Variants in TNIK observed in about 807,000 individuals in gnomAD.
The protein encoded by TNIK is TRAF2 and NCK interacting kinase, also known as TRAF2 and NCK-interacting protein kinase.
TNIK carries 49 observed loss-of-function variants against 191.3 expected under a neutral mutation model. The ratio of observed to expected loss-of-function variants is 0.26; its 90% CI spans 0.20 to 0.32. TNIK has a LOEUF of 0.32. Among genes scored for constraint, TNIK ranks in the 10% least tolerant of loss-of-function variants. TNIK has a pLI of 1.00. For synonymous variants in TNIK, 594 were observed against 600.9 expected (o/e 0.99, Z 0.17); for missense variants, 1,155 against 1,702.3 (o/e 0.68, Z 5.66).
intron 28 of TNIK, among the ~76,000 whole-genome samples, chr3:171,072,785 A>G (rs971196176): frequency 6.6e-6 from 1 of 151,968 alleles, no homozygotes; most frequent in East Asian, 1.9e-4. Context: ...TGAGAATCAA[A>G]TCAAGAGCTC....
chr3:171,455,578 A>G (rs771822622), intron 1 of TNIK, among the ~76,000 whole-genome samples: 1 of 152,174 alleles, frequency 6.6e-6, no homozygotes, highest in Non-Finnish European at 1.5e-5. Flanking sequence ...TTGCAATCAA[A>G]TGTTGATGGT....
In TNIK at chr3:171,128,804, G is replaced by A; in HGVS notation, c.1683C>T (p.Asp561=). ...MPHKVANRIS[D]PNLPPRSESF... is the part of the protein sequence containing the mutation. ...ACTCCGACCTTGGGGGCAGGTTGGGGTCAGATATCCTGTTGGCAACCTTGT... is the reference window on the plus strand; with the variant it reads ...ACTCCGACCTTGGGGGCAGGTTGGGATCAGATATCCTGTTGGCAACCTTGT... The change falls in exon 16 of 33, where the codon GAC becomes GAT. Residue 561 remains aspartate (D), a synonymous_variant. Coordinates refer to ENST00000436636, the MANE Select transcript of TNIK (RefSeq NM_015028.4). The A allele has an allele frequency of 5.6e-6, 9 of 1,604,826 alleles. No individual in the cohort carries two copies. The highest frequency in any genetic ancestry group is 2.2e-5 in the East Asian group (1 of 44,662).
At chr3:171,102,223 A>G (rs753093757) in intron 21 of TNIK, among the ~76,000 whole-genome samples, 22 of 152,168 alleles carry the variant, frequency 1.4e-4, no homozygotes, top group Admixed American at 3.9e-4. Flanking sequence ...TGAAATTTAC[A>G]GCCACAGAAC....
chr3:171,149,950 T>G (rs1732209022), intron 12 of TNIK, among the ~76,000 whole-genome samples: 1 of 152,216 alleles, frequency 6.6e-6, no homozygotes, highest in African/African-American at 2.4e-5. Flanking sequence ...TCAGCAGTGC[T>G]GATGTGTTAA....
At chr3:171,110,348 T>A (rs1725656147) in intron 19 of TNIK, among the ~76,000 whole-genome samples, 2 of 152,222 alleles carry the variant, frequency 1.3e-5, no homozygotes, top group Admixed American at 1.3e-4. Context: ...ACAGGACAAT[T>A]GGTGCAATGC....
chr3:171,257,633 C>A (rs541544395), intron 2 of TNIK, among the ~76,000 whole-genome samples: 2 of 152,294 alleles, frequency 1.3e-5, no homozygotes, highest in African/African-American at 2.4e-5. Context: ...TACTTGAGAA[C>A]CCATGCCACT....
chr3:171,381,367 C>T (rs545010813), intron 1 of TNIK, among the ~76,000 whole-genome samples: 4 of 152,196 alleles, frequency 2.6e-5, no homozygotes, highest in African/African-American at 9.6e-5. Flanking sequence ...GTTAATGTAC[C>T]CTGTGAATCT....
chr3:171,248,577 C>T (rs1745875169), intron 2 of TNIK, among the ~76,000 whole-genome samples: 1 of 152,142 alleles, frequency 6.6e-6, no homozygotes, highest in Non-Finnish European at 1.5e-5. Context: ...AGGGCTTAGT[C>T]AACATCAAAG....
In TNIK at chr3:171,128,883, A is replaced by G; in HGVS notation, c.1609-5T>C. 7.0e-7 allele frequency: 1 copy of G among 1,437,676 alleles called. No individual in the cohort carries two copies. Among genetic ancestry groups the G allele is most frequent in the African/African-American group, 1.7e-5 (1 of 59,068 alleles). The allele number at this position is 1,437,676 out of a possible 1,614,324, so 89.1% of individuals were successfully genotyped here. On this transcript the variant is annotated splice_polypyrimidine_tract_variant and splice_region_variant and intron_variant, in intron 15 of 32. Transcript: ENST00000436636. Reference sequence around the variant, plus strand: ...GAGCCTTGACCGTTCTTCTACCTACAACCCAAAAAAAAAAAAAAAAAAAAG... The same window carrying G: ...GAGCCTTGACCGTTCTTCTACCTACGACCCAAAAAAAAAAAAAAAAAAAAG...
At chr3:171,193,449 A>G (rs1056903270) in intron 5 of TNIK, among the ~76,000 whole-genome samples, 3 of 152,100 alleles carry the variant, frequency 2.0e-5, no homozygotes, top group African/African-American at 4.8e-5. Context: ...AATAATGTAC[A>G]CCTCCATTTA....
At chr3:171,129,770 C>T (rs1389977627) in intron 15 of TNIK, among the ~76,000 whole-genome samples, 1 of 152,246 alleles carries the variant, frequency 6.6e-6, no homozygotes, top group Non-Finnish European at 1.5e-5. Context: ...AACAGGTCAT[C>T]ATTACCTTTA....
chr3:171,331,614 A>C (rs2108367247), intron 2 of TNIK, among the ~76,000 whole-genome samples: 1 of 152,330 alleles, frequency 6.6e-6, no homozygotes, highest in African/African-American at 2.4e-5. Context: ...ATACAAGTCT[A>C]TTTTGGCATC....
chr3:171,292,644 C>T (rs1330298126), intron 2 of TNIK, among the ~76,000 whole-genome samples: 5 of 152,088 alleles, frequency 3.3e-5, no homozygotes, highest in East Asian at 1.9e-4. Context: ...GGCGTGGTGG[C>T]GGGAGCCTGT....
chr3:171,381,407 C>G (rs1320434926), intron 1 of TNIK, among the ~76,000 whole-genome samples: 1 of 152,176 alleles, frequency 6.6e-6, no homozygotes, highest in Non-Finnish European at 1.5e-5. Context: ...TTCATATTTT[C>G]CTAACTTGTC....
chr3:171,287,395 G>A (rs998720935), intron 2 of TNIK, among the ~76,000 whole-genome samples: 15 of 152,080 alleles, frequency 9.9e-5, no homozygotes, highest in African/African-American at 3.4e-4. Flanking sequence ...TGCTTTTAAT[G>A]CAAACTCTAG....
chr3:171,153,846 G>A (rs762879392), intron 12 of TNIK, among the ~76,000 whole-genome samples: 2 of 152,112 alleles, frequency 1.3e-5, no homozygotes, highest in Non-Finnish European at 2.9e-5. Context: ...CCCACCCTGT[G>A]GCACGCTCTT....
chr3:171,225,700 G>T (rs979218335), intron 3 of TNIK: 1 of 446,986 alleles, frequency 2.2e-6, no homozygotes, highest in Non-Finnish European at 4.5e-6. Flanking sequence ...CAAGCAAGGT[G>T]GTCTAGCAAT....
chr3:171,298,075 G>GT (rs955272354), intron 2 of TNIK, among the ~76,000 whole-genome samples: 17 of 152,194 alleles, frequency 1.1e-4, no homozygotes, highest in African/African-American at 3.9e-4. Flanking sequence ...TTAGGATGGT[G>GT]TTCCAAACAC....
chr3:171,409,653 G>A (rs972932209), intron 1 of TNIK, among the ~76,000 whole-genome samples: 7 of 150,972 alleles, frequency 4.6e-5, no homozygotes, highest in Non-Finnish European at 8.8e-5. Flanking sequence ...GAGATGATGA[G>A]TTTGGGCAGA....
Sources: allele counts gnomAD v4.1 joint callset (sites outside exome capture counted in the v4.1 genomes callset), GRCh38; gene constraint gnomAD v4.1.1; transcripts MANE v1.5; gene names NCBI Gene and HGNC (gene_info 2026-07-23, HGNC 2026-07-21).